The following VWA3B variants were observed in gnomAD, a reference collection of about 807,000 sequenced individuals.
VWA3B encodes the protein von Willebrand factor A domain containing 3B.
Under a neutral mutation model 158.3 loss-of-function variants are expected in VWA3B, and 138 were observed. That is an observed-to-expected ratio of 0.87 (90% CI 0.76 to 1.00). The LOEUF (loss-of-function observed/expected upper bound fraction) is 1.00, where lower values mean the gene tolerates loss of function less well. Ranked by LOEUF, VWA3B falls within the 50% of genes least tolerant of loss-of-function variation. The pLI is 0.00. For missense variants in VWA3B, 1,555 were observed against 1,565.1 expected, an observed-to-expected ratio of 0.99 and a Z score of 0.11; for synonymous variants, 596 against 587.3, an observed-to-expected ratio of 1.01 and a Z score of -0.21.
chr2:98,272,551 C>G (rs939911858), intron 22 of VWA3B, among the ~76,000 whole-genome samples: 1 of 152,102 alleles, frequency 6.6e-6, no homozygotes, highest in Non-Finnish European at 1.5e-5. Context: ...TTCAGCCCCT[C>G]TCCCCTCCTG....
chr2:98,313,867 G>T (rs1438458451), downstream of VWA3B, among the ~76,000 whole-genome samples: 1 of 152,228 alleles, frequency 6.6e-6, no homozygotes, highest in Non-Finnish European at 1.5e-5. Flanking sequence ...GCCATCATTT[G>T]ATGTGTTCAA....
intron 3 of VWA3B, among the ~76,000 whole-genome samples, chr2:98,116,416 T>C (rs1674536299): frequency 6.6e-6 from 1 of 152,240 alleles, no homozygotes; most frequent in South Asian, 2.1e-4. Flanking sequence ...TCCAGTTGTT[T>C]ACTCTCCTTC....
chr2:98,096,259 C>A (rs1055010194), intron 2 of VWA3B, among the ~76,000 whole-genome samples: 4 of 151,308 alleles, frequency 2.6e-5, no homozygotes, highest in Admixed American at 2.6e-4. Context: ...GTGGGCTTTT[C>A]TTTGCTGGGA....
At chr2:98,221,382 G>A (rs1428486048) in intron 14 of VWA3B, among the ~76,000 whole-genome samples, 2 of 152,124 alleles carry the variant, frequency 1.3e-5, no homozygotes, top group Non-Finnish European at 2.9e-5. Context: ...GGCAATATCT[G>A]TCCTGCTCCA....
intron 22 of VWA3B, among the ~76,000 whole-genome samples, chr2:98,285,449 A>T (rs1177225630): frequency 6.6e-6 from 1 of 152,116 alleles, no homozygotes; most frequent in Non-Finnish European, 1.5e-5. Flanking sequence ...TTGATGAGGT[A>T]TATGAAATGA....
the VWA3B span, among the ~76,000 whole-genome samples, chr2:98,319,479 G>A: frequency 6.6e-6 from 1 of 152,144 alleles, no homozygotes; most frequent in Non-Finnish European, 1.5e-5. Context: ...CAAAGACCTG[G>A]CAGAAAAATA....
intron 2 of VWA3B, among the ~76,000 whole-genome samples, chr2:98,105,020 TG>T (rs1321982256): frequency 6.6e-6 from 1 of 152,210 alleles, no homozygotes; most frequent in African/African-American, 2.4e-5. Context: ...AAAAGTCATC[TG>T]TTTTTTAAAG....
intron 23 of VWA3B, among the ~76,000 whole-genome samples, chr2:98,295,011 A>G (rs533978032): frequency 1.3e-4 from 20 of 152,270 alleles, no homozygotes; most frequent in African/African-American, 4.6e-4. Context: ...TCTTAGGAGT[A>G]GGGATAAACA....
At chr2:98,284,395 A>T (rs570701649) in intron 22 of VWA3B, among the ~76,000 whole-genome samples, 2 of 152,236 alleles carry the variant, frequency 1.3e-5, no homozygotes, top group Admixed American at 1.3e-4. Context: ...TCAGGGCACC[A>T]TGGAAATGAG....
chr2:98,103,652 T>C (rs1180134817), intron 2 of VWA3B, among the ~76,000 whole-genome samples: 1 of 152,240 alleles, frequency 6.6e-6, no homozygotes, highest in Non-Finnish European at 1.5e-5. Context: ...TGTAAGATTT[T>C]GATCTTTTGA....
At chr2:98,224,022 A>G (rs1684718820) in intron 14 of VWA3B, among the ~76,000 whole-genome samples, 1 of 152,208 alleles carries the variant, frequency 6.6e-6, no homozygotes, top group African/African-American at 2.4e-5. Flanking sequence ...GCAACCCCAA[A>G]CTTTATATTT....
intron 14 of VWA3B, among the ~76,000 whole-genome samples, chr2:98,221,345 C>T (rs551984069): frequency 1.3e-5 from 2 of 152,278 alleles, no homozygotes; most frequent in East Asian, 3.9e-4. Flanking sequence ...CTGGGAAGAG[C>T]ACGGCTTAAT....
intron 21 of VWA3B, among the ~76,000 whole-genome samples, chr2:98,266,924 T>A (rs1422788171): frequency 6.7e-6 from 1 of 148,932 alleles, no homozygotes; most frequent in Non-Finnish European, 1.5e-5. Context: ...TGAAGTTGCT[T>A]ATCAGCTTAA....
chr2:98,087,212 C>T lies in VWA3B; in HGVS notation c.-184C>T, dbSNP rs1035813972. The T allele has an allele frequency of 1.3e-5, 2 of 152,264 alleles. No homozygotes were observed. Among genetic ancestry groups the T allele is most frequent in the African/African-American group, 2.4e-5 (1 of 41,458 alleles). The allele number at this position is 152,264 out of a possible 1,614,324, so 9.4% of individuals were successfully genotyped here. Reference sequence around the variant, plus strand: ...CCTAGAACAGCTGGAATCCTTCGCCCCCGGCGCGCAGCCTTCGCCCGCCGG... The same window carrying T: ...CCTAGAACAGCTGGAATCCTTCGCCTCCGGCGCGCAGCCTTCGCCCGCCGG... On this transcript the variant is annotated 5_prime_UTR_variant, in exon 1 of 28. Transcript: ENST00000477737.
intron 7 of VWA3B, among the ~76,000 whole-genome samples, chr2:98,161,838 C>G (rs1166295239): frequency 6.6e-6 from 1 of 152,144 alleles, no homozygotes; most frequent in African/African-American, 2.4e-5. Context: ...TCCTGAGTAG[C>G]TGGGATTACA....
chr2:98,292,237 C>T (rs1477472359), intron 23 of VWA3B: 3 of 152,014 alleles, frequency 2.0e-5, no homozygotes, highest in Non-Finnish European at 4.4e-5. Flanking sequence ...GACTCTGTCT[C>T]ATAAAAAAAG....
rs373482402 is a variant in VWA3B, at chr2:98,126,707, C to G, written c.703-1532C>G. ...ACTTGTATAAATTTACAATATTCCT[C>G]AGTCTTTTACTGCTCGATCAGTACT... On this transcript the variant is annotated intron_variant, in intron 5 of 27. Transcript: ENST00000477737. Among the ~76,000 whole-genome samples, 4 of 152,294 alleles carry G rather than the reference C, an allele frequency of 2.6e-5. No individual in the cohort carries two copies. The East Asian group carries it at 7.7e-4, about 29-fold the overall frequency.
chr2:98,144,129 G>C (rs935945676), intron 7 of VWA3B, among the ~76,000 whole-genome samples: 1 of 152,030 alleles, frequency 6.6e-6, no homozygotes, highest in Non-Finnish European at 1.5e-5. Context: ...ATTAATACAT[G>C]TATGTATGCA....
At chr2:98,274,519 G>T (rs1688403926) in intron 22 of VWA3B, among the ~76,000 whole-genome samples, 1 of 152,164 alleles carries the variant, frequency 6.6e-6, no homozygotes, top group Admixed American at 6.5e-5. Flanking sequence ...AGAAGTGTTT[G>T]GAGTGAAAGA....
Sources: gnomAD v4.1 joint callset for allele counts (sites outside exome capture counted in the v4.1 genomes callset) on GRCh38, gnomAD v4.1.1 for gene constraint, MANE v1.5 for transcripts, NCBI Gene and HGNC (gene_info 2026-07-23, HGNC 2026-07-21) for gene names.